The following TMEM132D variants were observed in gnomAD, a reference collection of about 807,000 sequenced individuals.
The protein encoded by TMEM132D is mature OL transmembrane protein.
A neutral mutation model predicts 62.3 loss-of-function variants in TMEM132D; 21 were observed. The observed-to-expected ratio is 0.34, with a 90% CI of 0.24 to 0.49. The LOEUF is 0.49. Ranked by LOEUF, TMEM132D falls within the 20% of genes least tolerant of loss-of-function variation. TMEM132D has a pLI of 0.99. For missense variants in TMEM132D, 1,346 were observed against 1,402.8 expected, an observed-to-expected ratio of 0.96 and a Z score of 0.65; for synonymous variants, 621 against 575.6, an observed-to-expected ratio of 1.08 and a Z score of -1.13.
chr12:129,137,383 C>T (rs10847779), intron 5 of TMEM132D, among the ~76,000 whole-genome samples: 124,057 of 152,156 alleles, frequency 0.82, 51,535 homozygotes, highest in Non-Finnish European at 0.9. Flanking sequence ...AAATCTTACA[C>T]TACAGGTACT....
intron 2 of TMEM132D, among the ~76,000 whole-genome samples, chr12:129,574,740 A>C (rs1168969825): frequency 6.6e-6 from 1 of 151,762 alleles, no homozygotes. Context: ...TCACAATATC[A>C]CGGTGGGTCC....
chr12:129,291,094 G>A (rs761418683), intron 4 of TMEM132D, among the ~76,000 whole-genome samples: 6 of 152,160 alleles, frequency 3.9e-5, no homozygotes, highest in Admixed American at 6.6e-5. Flanking sequence ...TGGAATTTTC[G>A]TTGCAGGTAT....
chr12:129,747,276 C>G (rs992789590), intron 1 of TMEM132D, among the ~76,000 whole-genome samples: 1 of 60,246 alleles, frequency 1.7e-5, no homozygotes, highest in Admixed American at 1.8e-4. Flanking sequence ...CAGCTTGGAC[C>G]TTTCCATCCG....
intron 7 of TMEM132D, among the ~76,000 whole-genome samples, chr12:129,081,173 G>A (rs1000389125): frequency 4.6e-5 from 7 of 152,198 alleles, no homozygotes; most frequent in South Asian, 2.1e-4. Context: ...AGATGGTAAC[G>A]CCTACCATGG....
chr12:129,147,206 G>A (rs1051834553), intron 5 of TMEM132D, among the ~76,000 whole-genome samples: 1 of 139,778 alleles, frequency 7.2e-6, no homozygotes, highest in African/African-American at 2.8e-5. Flanking sequence ...TTACGTATAT[G>A]TATACACATA....
chr12:129,860,021 A>C (rs1278194046), intron 1 of TMEM132D, among the ~76,000 whole-genome samples: 2 of 152,168 alleles, frequency 1.3e-5, no homozygotes, highest in African/African-American at 4.8e-5. Context: ...CTCATACAGA[A>C]CATTTCACAT....
intron 3 of TMEM132D, among the ~76,000 whole-genome samples, chr12:129,421,394 T>A (rs1872320667): frequency 6.6e-6 from 1 of 152,246 alleles, no homozygotes; most frequent in East Asian, 1.9e-4. Flanking sequence ...GTGGTTCTCA[T>A]GTGAGGGAGA....
At chr12:129,877,348 C>T (rs1258642486) in intron 1 of TMEM132D, among the ~76,000 whole-genome samples, 1 of 152,062 alleles carries the variant, frequency 6.6e-6, no homozygotes. Flanking sequence ...CCTTAAATCT[C>T]AAGCATTTCA....
intron 5 of TMEM132D, among the ~76,000 whole-genome samples, chr12:129,188,407 C>T (rs909254692): frequency 6.6e-6 from 1 of 152,180 alleles, no homozygotes; most frequent in African/African-American, 2.4e-5. Context: ...CCCAGCTGAC[C>T]CGCAGGCTTC....
At chr12:129,353,559 T>C (rs577781545) in intron 3 of TMEM132D, among the ~76,000 whole-genome samples, 1 of 152,012 alleles carries the variant, frequency 6.6e-6, no homozygotes, top group African/African-American at 2.4e-5. Flanking sequence ...GGGGGCTCCA[T>C]GGAGAAGGCA....
chr12:129,535,779 T>C (rs73155263), intron 2 of TMEM132D, among the ~76,000 whole-genome samples: 835 of 36,608 alleles, frequency 0.023, 7 homozygotes, highest in East Asian at 0.095. Flanking sequence ...TTTGTGTGCG[T>C]GTGTGTGTGT....
At chr12:129,619,593 A>T (rs1279162722) in intron 2 of TMEM132D, among the ~76,000 whole-genome samples, 2 of 152,188 alleles carry the variant, frequency 1.3e-5, no homozygotes, top group African/African-American at 4.8e-5. Flanking sequence ...AACTTCCGCC[A>T]AATTGCCTTC....
intron 3 of TMEM132D, among the ~76,000 whole-genome samples, chr12:129,368,081 C>T (rs1025958733): frequency 3.9e-5 from 6 of 152,316 alleles, no homozygotes; most frequent in Admixed American, 6.5e-5. Flanking sequence ...GAATGAGCCA[C>T]AGAGCCTGGT....
intron 3 of TMEM132D, among the ~76,000 whole-genome samples, chr12:129,489,527 C>T (rs1014280650): frequency 3.9e-5 from 6 of 152,224 alleles, no homozygotes; most frequent in Admixed American, 3.3e-4. Flanking sequence ...AGGCAACACA[C>T]ATTTACTGGG....
chr12:129,556,013 G>A lies in TMEM132D; in HGVS notation c.969-24808C>T, dbSNP rs567652884. ...GGGTTACACGGGATTTATGTGTTCC[G>A]ACTTATGGTTTTTCCATGAAAATGC... On this transcript the variant is annotated intron_variant, in intron 2 of 8. Transcript: ENST00000422113. 5.1e-4 allele frequency among the ~76,000 whole-genome samples: 77 copies of A among 152,194 alleles called. No individual in the cohort carries two copies. In the South Asian group the frequency reaches 9.1e-3, roughly 18 times the overall value.
intron 1 of TMEM132D, among the ~76,000 whole-genome samples, chr12:129,762,197 T>C (rs1284141373): frequency 1.3e-5 from 2 of 152,064 alleles, no homozygotes; most frequent in African/African-American, 4.8e-5. Flanking sequence ...TCTAAACCGA[T>C]TTGAGCTGCC....
intron 2 of TMEM132D, among the ~76,000 whole-genome samples, chr12:129,632,240 C>G (rs73157275): frequency 6.6e-6 from 1 of 152,072 alleles, no homozygotes; most frequent in African/African-American, 2.4e-5. Context: ...AATCATGCCT[C>G]GGTAAAAATC....
At chr12:129,471,058 C>T (rs922520102) in intron 3 of TMEM132D, among the ~76,000 whole-genome samples, 10 of 152,114 alleles carry the variant, frequency 6.6e-5, no homozygotes, top group Admixed American at 4.6e-4. Flanking sequence ...TTATCTGGAT[C>T]TTTGCTCTAA....
intron 1 of TMEM132D, among the ~76,000 whole-genome samples, chr12:129,732,741 G>A (rs1489384473): frequency 6.6e-6 from 1 of 152,016 alleles, no homozygotes; most frequent in African/African-American, 2.4e-5. Flanking sequence ...CTAGCTTCAG[G>A]TATTTCTTTA....
Sources: gnomAD v4.1 joint callset for allele counts (sites outside exome capture counted in the v4.1 genomes callset) on GRCh38, gnomAD v4.1.1 for gene constraint, MANE v1.5 for transcripts, NCBI Gene and HGNC (gene_info 2026-07-23, HGNC 2026-07-21) for gene names.